Variants in ROBO1 observed in about 807,000 individuals in gnomAD.
The protein encoded by ROBO1 is roundabout homolog 1.
Under a neutral mutation model 195.9 loss-of-function variants are expected in ROBO1, and 149 were observed. That is an observed-to-expected ratio of 0.76 (90% CI 0.67 to 0.87). The LOEUF is 0.87. ROBO1 is among the 40% of genes least tolerant of loss of function. ROBO1 has a pLI of 0.00. For missense variants in ROBO1, 1,933 were observed against 2,068.3 expected, an observed-to-expected ratio of 0.93 and a Z score of 1.27; for synonymous variants, 816 against 733.2, an observed-to-expected ratio of 1.11 and a Z score of -1.82.
chr3:79,005,479 C>A (rs538620138), intron 3 of ROBO1, among the ~76,000 whole-genome samples: 1 of 152,170 alleles, frequency 6.6e-6, no homozygotes, highest in Non-Finnish European at 1.5e-5. Context: ...AAAATTTCTA[C>A]GTTTAGAAAT....
At chr3:79,318,967 C>T (rs902402109) in intron 2 of ROBO1, among the ~76,000 whole-genome samples, 1 of 152,102 alleles carries the variant, frequency 6.6e-6, no homozygotes, top group Admixed American at 6.5e-5. Flanking sequence ...AACATATAAT[C>T]AATACCATTT....
chr3:78,910,221 C>A (rs1167137218), intron 4 of ROBO1, among the ~76,000 whole-genome samples: 1 of 151,714 alleles, frequency 6.6e-6, no homozygotes, highest in Non-Finnish European at 1.5e-5. Context: ...AAGGATCCTG[C>A]GTGTTCCTAT....
chr3:79,175,768 A>G (rs1278194973), intron 2 of ROBO1, among the ~76,000 whole-genome samples: 3 of 152,234 alleles, frequency 2.0e-5, no homozygotes, highest in South Asian at 4.1e-4. Context: ...TTCAGCCACA[A>G]TGATTAATTT....
intron 2 of ROBO1, among the ~76,000 whole-genome samples, chr3:79,331,879 AT>A (rs1227635923): frequency 1.3e-5 from 2 of 152,202 alleles, no homozygotes; most frequent in Non-Finnish European, 2.9e-5. Flanking sequence ...GCGGTGGCTC[AT>A]GCCTGTAATC....
intron 2 of ROBO1, among the ~76,000 whole-genome samples, chr3:79,344,382 AC>A (rs1169944104): frequency 6.6e-6 from 1 of 152,064 alleles, no homozygotes; most frequent in Non-Finnish European, 1.5e-5. Flanking sequence ...TGCAAAAGAG[AC>A]CCTTCACCTC....
intron 3 of ROBO1, among the ~76,000 whole-genome samples, chr3:78,981,998 C>G (rs1317975254): frequency 6.6e-6 from 1 of 152,046 alleles, no homozygotes; most frequent in Non-Finnish European, 1.5e-5. Flanking sequence ...ATCCAGACAG[C>G]CTTGTTCTGT....
At position 78,661,222 on chromosome 3, in the gene ROBO1, G is replaced by T. The variant is rs1473258920; in HGVS notation, c.2128C>A (p.Leu710Ile). 2 of 1,612,254 alleles carry T rather than the reference G, an allele frequency of 1.2e-6. No individual in the cohort carries two copies. Among genetic ancestry groups the T allele is most frequent in the Non-Finnish European group, 1.7e-6 (2 of 1,179,114 alleles). Residue 710 changes from leucine (L) to isoleucine (I), a missense_variant, in exon 16 of 31, where the codon CTC (leucine) becomes ATC (isoleucine). By Grantham distance (5) the Leu-to-Ile change is conservative. This residue lies in a region of ROBO1 where 1,737 missense variants were observed against 1,882.5 expected (regional missense o/e 0.92). Coordinates refer to ENST00000464233, the MANE Select transcript of ROBO1 (RefSeq NM_002941.4). The part of the protein sequence containing the change: ...QSQYIQGYKI[L>I]YRPSGANHGE... ...TGGTTGGCTCCAGATGGCCGATAGA[G>T]AATTTTATATCCTTGTATATACTGA...
At position 78,714,407 on chromosome 3, in the gene ROBO1, C is replaced by A; in HGVS notation, c.1035G>T (p.Leu345=). The change falls in exon 8 of 31, where the codon CTG becomes CTT. Residue 345 remains leucine (L), a synonymous_variant. Coordinates refer to ENST00000464233, the MANE Select transcript of ROBO1 (RefSeq NM_002941.4). ...TTTCCCAATGCCTACCTTGAACAGT[C>A]AGAGTAGCAGATGCTTCAGCTTTGC... ...MVGKAEASAT[L]TVQEPPHFVV... 1 of 1,612,122 alleles carries A rather than the reference C, an allele frequency of 6.2e-7. No individual in the cohort carries two copies. Among genetic ancestry groups the A allele is most frequent in the Non-Finnish European group, 8.5e-7 (1 of 1,179,048 alleles).
chr3:79,629,620 G>A (rs894699596), intron 1 of ROBO1, among the ~76,000 whole-genome samples: 1 of 151,402 alleles, frequency 6.6e-6, no homozygotes, highest in South Asian at 2.1e-4. Context: ...AAAGCTAACA[G>A]AAGAAAAAAA....
At chr3:78,909,347 C>T (rs1198507573) in intron 4 of ROBO1, among the ~76,000 whole-genome samples, 1 of 151,692 alleles carries the variant, frequency 6.6e-6, no homozygotes, top group Admixed American at 6.6e-5. Flanking sequence ...AGTATTATGT[C>T]ATAATTTTCC....
chr3:79,327,857 C>A (rs1003779894), intron 2 of ROBO1, among the ~76,000 whole-genome samples: 1 of 152,048 alleles, frequency 6.6e-6, no homozygotes, highest in Non-Finnish European at 1.5e-5. Context: ...GTCAACAATG[C>A]AATAATGGAA....
rs1032965844 is a variant in ROBO1 at position 79,125,675 on chromosome 3, C to T, written c.89-136G>A. 26 of 672,790 alleles carry T rather than the reference C, an allele frequency of 3.9e-5. No homozygotes were observed. The African/African-American group carries it at 4.6e-4, about 12-fold the overall frequency. 41.7% of individuals were successfully genotyped at this position (672,790 alleles called of 1,614,324 possible). On this transcript the variant is annotated intron_variant, in intron 2 of 30. Coordinates refer to ENST00000464233, the MANE Select transcript of ROBO1 (RefSeq NM_002941.4). ...CACAAGGACAACACACAGCACGCTT[C>T]ATCCTTGCCCCTCCTGCGGCACACT...
At chr3:79,018,361 G>A (rs779141105) in intron 3 of ROBO1, 19 of 1,610,406 alleles carry the variant, frequency 1.2e-5, no homozygotes, top group Non-Finnish European at 1.5e-5. Context: ...GTGGAGAGGG[G>A]GCGAACAGGG....
chr3:78,979,914 AC>A (rs1401330482), intron 3 of ROBO1, among the ~76,000 whole-genome samples: 2 of 152,128 alleles, frequency 1.3e-5, no homozygotes, highest in Non-Finnish European at 2.9e-5. Flanking sequence ...TTAATAATCA[AC>A]AGTAATAAAA....
intron 4 of ROBO1, among the ~76,000 whole-genome samples, chr3:78,773,954 G>C (rs571607302): frequency 8.5e-5 from 13 of 152,186 alleles, no homozygotes; most frequent in Non-Finnish European, 1.6e-4. Flanking sequence ...TTCCCTCACA[G>C]TAAGGAGCTT....
At chr3:78,802,421 C>T (rs889413493) in intron 4 of ROBO1, among the ~76,000 whole-genome samples, 1 of 152,174 alleles carries the variant, frequency 6.6e-6, no homozygotes, top group Non-Finnish European at 1.5e-5. Context: ...CATGAAGGAG[C>T]ATGTTTCATT....
At chr3:79,502,780 A>G (rs1460150173) in intron 2 of ROBO1, among the ~76,000 whole-genome samples, 1 of 151,650 alleles carries the variant, frequency 6.6e-6, no homozygotes, top group Admixed American at 6.6e-5. Flanking sequence ...TTGTGAATAC[A>G]CCAATCAGTA....
chr3:78,899,763 C>T (rs2037471920), intron 4 of ROBO1, among the ~76,000 whole-genome samples: 1 of 152,010 alleles, frequency 6.6e-6, no homozygotes, highest in Non-Finnish European at 1.5e-5. Context: ...CTATTTACTA[C>T]AAAACGGCGA....
At chr3:79,412,357 TG>T (rs1230276909) in intron 2 of ROBO1, among the ~76,000 whole-genome samples, 1 of 152,158 alleles carries the variant, frequency 6.6e-6, no homozygotes, top group African/African-American at 2.4e-5. Context: ...TTCTTCCATA[TG>T]TTTGTCAACA....
Sources: gnomAD v4.1 joint callset for allele counts (sites outside exome capture counted in the v4.1 genomes callset) on GRCh38, gnomAD v4.1.1 for gene constraint, gnomAD v4.1.1 regional missense constraint, MANE v1.5 for transcripts, NCBI Gene and HGNC (gene_info 2026-07-23, HGNC 2026-07-21) for gene names.